WNT5B: variants seen among roughly 807,000 people sequenced by gnomAD.
The protein encoded by WNT5B is Wnt family member 5B.
WNT5B carries 18 observed loss-of-function variants against 36.5 expected under a neutral mutation model. The ratio of observed to expected loss-of-function variants is 0.49; its 90% CI spans 0.34 to 0.73. The LOEUF is 0.73. Among genes scored for constraint, WNT5B ranks in the 30% least tolerant of loss-of-function variants. The pLI is 0.01. For missense variants in WNT5B, 424 were observed against 508.4 expected (o/e 0.83, Z 1.60); for synonymous variants, 213 against 212.3 (o/e 1.00, Z -0.03).
rs185897227 is a variant in WNT5B, at chr12:1,637,832, C to G, written c.329-1852C>G. ...ATTACATCTTAAAAAAAGTACATCC[C>G]TTAATTAAAAATACTTTATTGCTAA... On this transcript the variant is annotated intron_variant, in intron 3 of 4. Coordinates refer to ENST00000397196, the MANE Select transcript of WNT5B (RefSeq NM_032642.3). Among the ~76,000 whole-genome samples the G allele has an allele frequency of 1.4e-3, 212 of 152,200 alleles. 4 individuals carry two copies. Among genetic ancestry groups the G allele is most frequent in the Admixed American group, 0.012 (186 of 15,294 alleles).
chr12:1,626,479 T>C (rs2094541214), upstream of WNT5B, among the ~76,000 whole-genome samples: 2 of 151,938 alleles, frequency 1.3e-5, no homozygotes, highest in Non-Finnish European at 2.9e-5. Context: ...ATCAGGCTGG[T>C]CTCGAACTCC....
In WNT5B at chr12:1,639,868, C is replaced by T. The variant is rs748089058; in HGVS notation, c.513C>T (p.Phe171=). Residue 171 remains phenylalanine, a synonymous_variant, in exon 4 of 5, where the codon TTC becomes TTT. Transcript: ENST00000397196. ...CGDNVEYGYR[F]AKEFVDARER... ...ACAACGTGGAGTACGGCTACCGCTTCGCCAAGGAGTTTGTGGATGCCCGGG... is the reference window on the plus strand; with the variant it reads ...ACAACGTGGAGTACGGCTACCGCTTTGCCAAGGAGTTTGTGGATGCCCGGG... 8.1e-6 allele frequency: 13 copies of T among 1,613,960 alleles called. No individual in the cohort carries two copies. Among genetic ancestry groups the T allele is most frequent in the South Asian group, 2.2e-5 (2 of 91,074 alleles).
chr12:1,621,653 C>T (rs1004595306), intron 1 of WNT5B, among the ~76,000 whole-genome samples: 35 of 152,078 alleles, frequency 2.3e-4, no homozygotes, highest in Admixed American at 1.2e-3. Flanking sequence ...GTGATCCTCC[C>T]GCTTCAGCCT....
At chr12:1,631,666 T>A (rs2094551133) in intron 2 of WNT5B, among the ~76,000 whole-genome samples, 1 of 152,250 alleles carries the variant, frequency 6.6e-6, no homozygotes, top group African/African-American at 2.4e-5. Flanking sequence ...TCTAATCCTG[T>A]CCACATTCCT....
chr12:1,628,160 C>CTT (rs59145675), upstream of WNT5B, among the ~76,000 whole-genome samples: 5 of 145,912 alleles, frequency 3.4e-5, no homozygotes, highest in Admixed American at 1.4e-4. Flanking sequence ...CTGACTCCCA[C>CTT]TTTTTTTTTT....
In WNT5B at chr12:1,630,043, A is replaced by T. The variant is rs1026393038; in HGVS notation, c.-58+672A>T. ...AGGAAAATCAAAAGGGGGCTTGGGG[A>T]AGGGCTGTGTCCCAGCTCTCCTGGA... is the stretch of plus-strand genomic sequence containing the variant. On this transcript the variant is annotated intron_variant, in intron 1 of 4. Transcript: ENST00000397196. This position sits in a 1 kb window ranked among gnomAD's most constrained non-coding sequence, Gnocchi z 5.3. 4.8e-5 allele frequency: 41 copies of T among 848,208 alleles called. No homozygotes were observed. The highest frequency in any genetic ancestry group is 1.8e-5 in the African/African-American group (1 of 54,760). The allele number at this position is 848,208 out of a possible 1,614,324, so 52.5% of individuals were successfully genotyped here.
chr12:1,627,588 T>C (rs986528535), upstream of WNT5B, among the ~76,000 whole-genome samples: 2 of 152,134 alleles, frequency 1.3e-5, no homozygotes, highest in African/African-American at 4.8e-5. This position sits in a 1 kb window ranked among gnomAD's most constrained non-coding sequence, Gnocchi z 5.0. Flanking sequence ...GAAATGAAAG[T>C]GAGTGACTGA....
At chr12:1,622,293 G>A (rs1379988916) in intron 1 of WNT5B, among the ~76,000 whole-genome samples, 1 of 151,964 alleles carries the variant, frequency 6.6e-6, no homozygotes, top group African/African-American at 2.4e-5. Flanking sequence ...TGTATTTTTA[G>A]TAGATGACAC....
At chr12:1,642,523 T>C (rs1405366804) in intron 4 of WNT5B, among the ~76,000 whole-genome samples, 1 of 152,164 alleles carries the variant, frequency 6.6e-6, no homozygotes, top group Non-Finnish European at 1.5e-5. Context: ...CTGTATGTGC[T>C]GTATGTGGGT....
chr12:1,619,588 T>C (rs879903496), intron 1 of WNT5B, among the ~76,000 whole-genome samples: 2 of 152,080 alleles, frequency 1.3e-5, no homozygotes, highest in Non-Finnish European at 2.9e-5. Context: ...GGAAGAATGC[T>C]ATCTAGAAAA....
intron 1 of WNT5B, among the ~76,000 whole-genome samples, chr12:1,622,275 T>G (rs12305790): frequency 0.42 from 63,938 of 151,634 alleles, 13,726 homozygotes; most frequent in Non-Finnish European, 0.46. Flanking sequence ...CACGCCCGGC[T>G]AATTTTTTGT....
At position 1,618,625 on chromosome 12, in the gene WNT5B, T is replaced by C. The variant is rs747125787; in HGVS notation, c.-58+1482T>C. On this transcript the variant is annotated intron_variant, in intron 1 of 4. Transcript: ENST00000310594. The surrounding 1 kb of genome is among the most constrained non-coding windows in gnomAD (Gnocchi z 4.1). ...TAGAGCATATTTTAAAACTATTTTA[T>C]TAGTATTCAGGAGAAGGGAACTTCC... Among the ~76,000 whole-genome samples the C allele has an allele frequency of 2.6e-5, 4 of 152,186 alleles. No homozygotes were observed. Among genetic ancestry groups the C allele is most frequent in the Non-Finnish European group, 5.9e-5 (4 of 68,032 alleles).
chr12:1,629,580 G>A (rs939088829), intron 1 of WNT5B, among the ~76,000 whole-genome samples: 1 of 152,046 alleles, frequency 6.6e-6, no homozygotes, highest in South Asian at 2.1e-4. Flanking sequence ...GGGCACGGGC[G>A]GCCCTAGCTC....
In WNT5B at chr12:1,622,262, C is replaced by T. The variant is rs939287693; in HGVS notation, c.-58+5119C>T. 2.6e-5 allele frequency among the ~76,000 whole-genome samples: 4 copies of T among 152,092 alleles called. No homozygotes were observed. The South Asian group carries it at 6.2e-4, about 24-fold the overall frequency. On this transcript the variant is annotated intron_variant, in intron 1 of 4. Transcript: ENST00000310594. ...AGTCGCTGGGACTACAGGCGCCCGC[C>T]ACCACGCCCGGCTAATTTTTTGTAT...
Position 1,631,604 on chromosome 12 carries a change from A to T in WNT5B, c.80+170A>T, listed in dbSNP as rs140477942. Among the ~76,000 whole-genome samples, 425 of 152,226 alleles carry T rather than the reference A, an allele frequency of 2.8e-3. 2 individuals carry two copies. In the Middle Eastern group the frequency reaches 0.031, roughly 11 times the overall value. ...ACGCTCTGTGTCTCTCTCAACCCTT[A>T]TCTTTGTAAGGGTTCCCTGAGGATA... On this transcript the variant is annotated intron_variant, in intron 2 of 4. Transcript: ENST00000397196.
At position 1,645,822 on chromosome 12, in the gene WNT5B, G is replaced by A; in HGVS notation, c.650G>A (p.Cys217Tyr). 6.3e-7 allele frequency: 1 copy of A among 1,598,372 alleles called. No homozygotes were observed. Residue 217 changes from cysteine (C) to tyrosine (Y), a missense_variant, in exon 5 of 5, where the codon TGC (cysteine) becomes TAC (tyrosine). Physicochemically the swap from Cys to Tyr is radical, Grantham distance 194. Coordinates refer to ENST00000397196, the MANE Select transcript of WNT5B (RefSeq NM_032642.3). Reference sequence around the variant, plus strand: ...GTGTATAAGATGGCAGACGTAGCCTGCAAATGCCACGGCGTCTCGGGGTCC... The same window carrying A: ...GTGTATAAGATGGCAGACGTAGCCTACAAATGCCACGGCGTCTCGGGGTCC... ...RAVYKMADVACKCHGVSGSCS... is the reference protein window; with the variant it reads ...RAVYKMADVAYKCHGVSGSCS...
chr12:1,636,353 C>A (rs988825949), intron 3 of WNT5B, among the ~76,000 whole-genome samples: 1 of 151,500 alleles, frequency 6.6e-6, no homozygotes, highest in Non-Finnish European at 1.5e-5. Context: ...CAACCCCCAA[C>A]CCTAGGCGAC....
chr12:1,631,963 G>A (rs1033491229), intron 2 of WNT5B, among the ~76,000 whole-genome samples: 4 of 152,132 alleles, frequency 2.6e-5, no homozygotes, highest in African/African-American at 4.8e-5. Context: ...TTTTTACTCA[G>A]ATAGCAAATC....
chr12:1,634,366 A>C (rs1042302599), intron 3 of WNT5B, among the ~76,000 whole-genome samples: 16 of 152,144 alleles, frequency 1.1e-4, no homozygotes, highest in African/African-American at 3.1e-4. Context: ...TCTTCAGTGG[A>C]GTTAATGTTT....
Sources: gnomAD v4.1 joint callset for allele counts (sites outside exome capture counted in the v4.1 genomes callset) on GRCh38, gnomAD v4.1.1 for gene constraint, Gnocchi (gnomAD v3.1) non-coding constraint, MANE v1.5 for transcripts, NCBI Gene and HGNC (gene_info 2026-07-23, HGNC 2026-07-21) for gene names.